The following KLF13 variants were observed in gnomAD, a reference collection of about 807,000 sequenced individuals.
KLF13 encodes the protein Krueppel-like factor 13.
Under a neutral mutation model 16.7 loss-of-function variants are expected in KLF13, and 8 were observed. The ratio of observed to expected loss-of-function variants is 0.48; its 90% CI spans 0.28 to 0.87. KLF13 has a LOEUF of 0.87. Among genes scored for constraint, KLF13 ranks in the 40% least tolerant of loss-of-function variants. KLF13 has a pLI of 0.10. For missense variants in KLF13, 447 were observed against 452.2 expected (o/e 0.99, Z 0.10); for synonymous variants, 245 against 208.4 (o/e 1.18, Z -1.51).
At chr15:31,393,448 A>C (rs1439919623) in intron 1 of KLF13, 1 of 77,142 alleles carries the variant, frequency 1.3e-5, no homozygotes, top group Non-Finnish European at 2.4e-5. Flanking sequence ...CCTCAGACCT[A>C]GGATGCACCC....
chr15:31,410,267 G>A, intron 1 of KLF13, among the ~76,000 whole-genome samples: 1 of 151,484 alleles, frequency 6.6e-6, no homozygotes, highest in African/African-American at 2.4e-5. Context: ...GGCAATAATG[G>A]GGATCAAATT....
intron 1 of KLF13, among the ~76,000 whole-genome samples, chr15:31,347,612 G>T (rs1227293004): frequency 2.0e-5 from 3 of 152,216 alleles, no homozygotes; most frequent in Non-Finnish European, 2.9e-5. Context: ...AGCCAGCGGA[G>T]CCTCAGAGTA....
chr15:31,391,544 G>C (rs2039868882), upstream of KLF13, among the ~76,000 whole-genome samples: 1 of 152,138 alleles, frequency 6.6e-6, no homozygotes, highest in African/African-American at 2.4e-5. Context: ...TCAGCTCGGG[G>C]CTGGGCCAGG....
At chr15:31,427,192 T>C (rs2040409889) in intron 1 of KLF13, among the ~76,000 whole-genome samples, 1 of 152,204 alleles carries the variant, frequency 6.6e-6, no homozygotes, top group Admixed American at 6.5e-5. Flanking sequence ...CATCTATCTA[T>C]TATCCATCCA....
At position 31,327,493 on chromosome 15, in the gene KLF13, C is replaced by T. The variant is rs996814698; in HGVS notation, c.281C>T (p.Thr94Ile). Residue 94 changes from threonine to isoleucine, a missense_variant, in exon 1 of 2, where the codon ACC (threonine) becomes ATC (isoleucine). This residue lies in a region of KLF13 where 359 missense variants were observed against 282.8 expected (regional missense o/e 1.27). Transcript: ENST00000307145. ...REGAAARKAR[T>I]PCRLPPPAPE... ...GGCGCCGCGGCCCGGAAGGCGAGGA[C>T]CCCCTGCCGCCTGCCGCCGCCCGCC... 3 of 1,167,046 alleles carry T rather than the reference C, an allele frequency of 2.6e-6. No homozygotes were observed. Among genetic ancestry groups the T allele is most frequent in the East Asian group, 3.9e-5 (1 of 25,878 alleles). 72.3% of individuals were successfully genotyped at this position (1,167,046 alleles called of 1,614,324 possible).
rs2039626308 is a variant in KLF13, at chr15:31,375,379, T to C, written c.*3080T>C. Reference sequence around the variant, plus strand: ...AAACATGCAGAATGTTTTCCCAGACTGCGTCTATTTCAGGGTCTTCCATTT... The same window carrying C: ...AAACATGCAGAATGTTTTCCCAGACCGCGTCTATTTCAGGGTCTTCCATTT... On this transcript the variant is annotated 3_prime_UTR_variant, in exon 2 of 2. Transcript: ENST00000307145. 6.6e-6 allele frequency: 1 copy of C among 152,260 alleles called. No homozygotes were observed. The highest frequency in any genetic ancestry group is 2.1e-4 in the South Asian group (1 of 4,840). The allele number at this position is 152,260 out of a possible 1,614,324, so 9.4% of individuals were successfully genotyped here. A position where few individuals can be genotyped will look rare whatever the true frequency, so the allele number is the denominator to read the frequency against.
intron 1 of KLF13, among the ~76,000 whole-genome samples, chr15:31,353,194 C>T (rs1405587023): frequency 6.6e-6 from 1 of 152,170 alleles, no homozygotes; most frequent in Non-Finnish European, 1.5e-5. Flanking sequence ...AGGGGGAGTG[C>T]CTGGAGGTAT....
At chr15:31,370,277 C>T (rs927546407) in intron 1 of KLF13, among the ~76,000 whole-genome samples, 8 of 151,954 alleles carry the variant, frequency 5.3e-5, no homozygotes, top group South Asian at 4.2e-4. Context: ...TACCAGGAGA[C>T]GGAACATCGT....
downstream of KLF13, among the ~76,000 whole-genome samples, chr15:31,405,290 G>A (rs2040108681): frequency 6.6e-6 from 1 of 152,138 alleles, no homozygotes; most frequent in African/African-American, 2.4e-5. Context: ...CTCCAGTCTG[G>A]CCAACAAAAC....
rs372339126 is a variant in KLF13, at chr15:31,332,503, CT to C, written c.577+4715del. ...GGGGGCTGGTGTGGCGCCATCTCCA[CT>C]CCCCCCTTCCCCCTCGCTGAAAGAA... On this transcript the variant is annotated intron_variant, in intron 1 of 1. Coordinates refer to ENST00000307145, the MANE Select transcript of KLF13 (RefSeq NM_015995.4). Among the ~76,000 whole-genome samples, 399 of 152,104 alleles carry C rather than the reference CT, an allele frequency of 2.6e-3. 2 individuals carry two copies. The highest frequency in any genetic ancestry group is 8.6e-3 in the African/African-American group (358 of 41,414).
At chr15:31,405,616 C>T (rs1013088068), downstream of KLF13, among the ~76,000 whole-genome samples, 52 of 152,138 alleles carry the variant, frequency 3.4e-4, no homozygotes, top group African/African-American at 1.3e-3. Context: ...GGAGTAAAGC[C>T]TTCGGTAGTT....
At chr15:31,338,894 C>T (rs2038977388) in intron 1 of KLF13, among the ~76,000 whole-genome samples, 1 of 151,906 alleles carries the variant, frequency 6.6e-6, no homozygotes, top group Non-Finnish European at 1.5e-5. Context: ...GTTTCCAGCC[C>T]TTAGGACAAG....
chr15:31,370,245 C>T lies in KLF13; in HGVS notation c.578-1765C>T, dbSNP rs150109328. On this transcript the variant is annotated intron_variant, in intron 1 of 1. Transcript: ENST00000307145. ...TCAATAAAGAGAGCAAGTGTACCCA[C>T]ACACGGCCCCTGCTTCAGCAGTACC... Among the ~76,000 whole-genome samples the T allele has an allele frequency of 1.3e-3, 202 of 152,144 alleles. 1 individual carries two copies. The highest frequency in any genetic ancestry group is 4.7e-3 in the African/African-American group (194 of 41,524).
chr15:31,357,499 G>C (rs908349133), intron 1 of KLF13, among the ~76,000 whole-genome samples: 1 of 152,242 alleles, frequency 6.6e-6, no homozygotes, highest in Non-Finnish European at 1.5e-5. Context: ...CTCCTTCCGG[G>C]TTTTCCCCCA....
chr15:31,402,264 G>A (rs1247645761), intron 2 of KLF13, among the ~76,000 whole-genome samples: 1 of 152,164 alleles, frequency 6.6e-6, no homozygotes, highest in Non-Finnish European at 1.5e-5. Flanking sequence ...ATGTGCCCCC[G>A]CCAGCCTCTG....
At chr15:31,430,340 C>T (rs540111656) in intron 1 of KLF13, among the ~76,000 whole-genome samples, 1 of 152,254 alleles carries the variant, frequency 6.6e-6, no homozygotes, top group East Asian at 1.9e-4. Flanking sequence ...GTGTCTTAGT[C>T]TGTGTCATGC....
intron 1 of KLF13, among the ~76,000 whole-genome samples, chr15:31,416,083 T>C (rs1435734362): frequency 2.0e-5 from 3 of 152,010 alleles, no homozygotes; most frequent in South Asian, 2.1e-4. Flanking sequence ...TAGATAAAAC[T>C]GACAAATTTC....
intron 1 of KLF13, among the ~76,000 whole-genome samples, chr15:31,414,053 A>AATGC (rs2141003483): frequency 6.6e-6 from 1 of 152,294 alleles, no homozygotes; most frequent in East Asian, 1.9e-4. Context: ...TAATAGATGT[A>AATGC]ATGCATATAA....
At chr15:31,357,550 C>CCTGCTGCACA (rs1198090494) in intron 1 of KLF13, among the ~76,000 whole-genome samples, 1 of 152,178 alleles carries the variant, frequency 6.6e-6, no homozygotes, top group Non-Finnish European at 1.5e-5. Flanking sequence ...GGAGGGTGGT[C>CCTGCTGCACA]CTGCTGCACA....
Sources: allele counts gnomAD v4.1 joint callset (sites outside exome capture counted in the v4.1 genomes callset), GRCh38; gene constraint gnomAD v4.1.1; regional missense constraint gnomAD v4.1.1; transcripts MANE v1.5; gene names NCBI Gene and HGNC (gene_info 2026-07-23, HGNC 2026-07-21).